Variants in MSRA observed in about 807,000 individuals in gnomAD.
The protein encoded by MSRA is mitochondrial peptide methionine sulfoxide reductase.
A neutral mutation model predicts 31.3 loss-of-function variants in MSRA; 54 were observed. That is an observed-to-expected ratio of 1.73 (90% CI 1.39 to 2.17). MSRA has a LOEUF of 2.17. Ranked by LOEUF, MSRA falls within the 30% of genes most tolerant of loss-of-function variation. The probability of loss-of-function intolerance (pLI) is 0.00; values close to 1 mark genes in which losing one functional copy is unlikely to be tolerated. For synonymous variants in MSRA, 169 were observed against 116.5 expected, an observed-to-expected ratio of 1.45 and a Z score of -2.90; for missense variants, 507 against 300.9, an observed-to-expected ratio of 1.69 and a Z score of -5.07.
intron 3 of MSRA, among the ~76,000 whole-genome samples, chr8:10,262,139 G>A (rs1237736845): frequency 1.3e-5 from 2 of 152,104 alleles, no homozygotes; most frequent in Admixed American, 6.5e-5. Context: ...TGAAATAATT[G>A]CAGTTGCTTC....
intron 1 of MSRA, among the ~76,000 whole-genome samples, chr8:10,148,892 T>C (rs1244775596): frequency 6.8e-6 from 1 of 147,832 alleles, no homozygotes; most frequent in Non-Finnish European, 1.5e-5. Flanking sequence ...CTGGAGAAGG[T>C]AGGACAACTC....
At chr8:10,235,517 G>T (rs1811865910) in intron 2 of MSRA, among the ~76,000 whole-genome samples, 1 of 151,988 alleles carries the variant, frequency 6.6e-6, no homozygotes, top group African/African-American at 2.4e-5. Context: ...AAAGTAAACT[G>T]CAAAACAAGA....
intron 3 of MSRA, among the ~76,000 whole-genome samples, chr8:10,254,034 C>T (rs1288686208): frequency 3.3e-5 from 5 of 152,110 alleles, no homozygotes; most frequent in Admixed American, 6.5e-5. Flanking sequence ...TGCCTCCGAT[C>T]TGCCGGGGAC....
In MSRA at chr8:10,245,087, C is replaced by CTTTT; in HGVS notation, c.212-14_212-11dup. 1 of 1,566,988 alleles carries CTTTT rather than the reference C, an allele frequency of 6.4e-7. No individual in the cohort carries two copies. Among genetic ancestry groups the CTTTT allele is most frequent in the Non-Finnish European group, 8.6e-7 (1 of 1,160,910 alleles). On this transcript the variant is annotated splice_polypyrimidine_tract_variant and intron_variant, in intron 2 of 5. Transcript: ENST00000317173. ...TGAATAATCAGTATCCTTTTTTTTT[C>CTTTT]TTTTTTCTTTTTTAAGGAATGGGAT...
Position 10,105,486 on chromosome 8 carries a change from G to A in MSRA, c.142+50828G>A, listed in dbSNP as rs147737911. 1.4e-3 allele frequency among the ~76,000 whole-genome samples: 214 copies of A among 152,282 alleles called. 1 individual carries two copies. Among genetic ancestry groups the A allele is most frequent in the African/African-American group, 4.7e-3 (197 of 41,556 alleles). On this transcript the variant is annotated intron_variant, in intron 1 of 5. Transcript: ENST00000317173. ...TCTTAGTCCCCAGGCATCCATCATT[G>A]AATTAAAGAGTATTGTGGAGTTTTA...
At chr8:10,066,419 A>G (rs1192398209) in intron 1 of MSRA, among the ~76,000 whole-genome samples, 1 of 152,252 alleles carries the variant, frequency 6.6e-6, no homozygotes, top group Non-Finnish European at 1.5e-5. Flanking sequence ...TCATAAAATC[A>G]TACACACACA....
intron 3 of MSRA, among the ~76,000 whole-genome samples, chr8:10,295,577 A>C (rs1800492189): frequency 6.6e-6 from 1 of 152,102 alleles, no homozygotes. Context: ...AATCTCGTCT[A>C]CATAAGACCT....
intron 2 of MSRA, among the ~76,000 whole-genome samples, chr8:10,219,607 C>T (rs1163946700): frequency 6.6e-6 from 1 of 151,902 alleles, no homozygotes; most frequent in East Asian, 1.9e-4. Flanking sequence ...CAGACTGAGA[C>T]CATCCTGGCT....
intron 3 of MSRA, among the ~76,000 whole-genome samples, chr8:10,261,389 T>TG (rs1554509145): frequency 7.0e-6 from 1 of 143,088 alleles, no homozygotes; most frequent in Non-Finnish European, 1.5e-5. Flanking sequence ...ATCTGTTACT[T>TG]AAAAAAAAAA....
chr8:10,178,916 T>G (rs1252338791), intron 1 of MSRA, among the ~76,000 whole-genome samples: 1 of 152,218 alleles, frequency 6.6e-6, no homozygotes, highest in Non-Finnish European at 1.5e-5. Context: ...TCATTAAGGC[T>G]CTTGTTCATT....
intron 5 of MSRA, among the ~76,000 whole-genome samples, chr8:10,419,058 C>A (rs1461732058): frequency 6.6e-6 from 1 of 152,150 alleles, no homozygotes; most frequent in Non-Finnish European, 1.5e-5. Flanking sequence ...ACACAGGGTG[C>A]ACATGCAGGC....
chr8:10,413,807 T>G (rs976569967), intron 5 of MSRA, among the ~76,000 whole-genome samples: 4 of 152,012 alleles, frequency 2.6e-5, no homozygotes, highest in Admixed American at 2.6e-4. Flanking sequence ...GAATTTAAAA[T>G]GGGGGAAAAA....
intron 1 of MSRA, among the ~76,000 whole-genome samples, chr8:10,101,817 T>G (rs1463114322): frequency 6.6e-6 from 1 of 152,218 alleles, no homozygotes; most frequent in African/African-American, 2.4e-5. Context: ...CTTCTACCTT[T>G]TGGCTGTTGT....
chr8:10,306,289 A>G (rs930692095), intron 4 of MSRA, among the ~76,000 whole-genome samples: 3 of 152,206 alleles, frequency 2.0e-5, no homozygotes, highest in Non-Finnish European at 4.4e-5. Flanking sequence ...GGTCTGATGT[A>G]GGAATTAAAT....
intron 1 of MSRA, among the ~76,000 whole-genome samples, chr8:10,141,230 C>T (rs1802678992): frequency 6.6e-6 from 1 of 152,200 alleles, no homozygotes. Context: ...AGGCCTGGTT[C>T]TGTGTGCCTC....
intron 5 of MSRA, among the ~76,000 whole-genome samples, chr8:10,330,894 C>T (rs374285575): frequency 6.6e-6 from 1 of 152,178 alleles, no homozygotes; most frequent in African/African-American, 2.4e-5. Context: ...ATGTTGAAGC[C>T]TCTACCCCCA....
At chr8:10,297,364 G>A (rs1800602361) in intron 3 of MSRA, among the ~76,000 whole-genome samples, 1 of 152,184 alleles carries the variant, frequency 6.6e-6, no homozygotes, top group South Asian at 2.1e-4. Context: ...CAACGTTAAA[G>A]CCCCCGTAAT....
chr8:10,166,422 GTC>G (rs1805130541), intron 1 of MSRA, among the ~76,000 whole-genome samples: 7 of 152,144 alleles, frequency 4.6e-5, no homozygotes, highest in Admixed American at 4.6e-4. Flanking sequence ...GTTTGCATAT[GTC>G]TGTGCGTGTG....
rs561290821 is a variant in MSRA at position 10,224,636 on chromosome 8, C to T, written c.211+16735C>T. Among the ~76,000 whole-genome samples, 19 of 152,278 alleles carry T rather than the reference C, an allele frequency of 1.2e-4. 1 individual carries two copies. The South Asian group carries it at 3.9e-3, about 32-fold the overall frequency. The stretch of plus-strand genomic sequence containing the variant: ...GTCCAGTGGACAGAGCTGAGAGTCC[C>T]TCTACTGACAGTCCCTGGATTCATC... On this transcript the variant is annotated intron_variant, in intron 2 of 5. Transcript: ENST00000317173.
Sources: allele counts gnomAD v4.1 joint callset (sites outside exome capture counted in the v4.1 genomes callset), GRCh38; gene constraint gnomAD v4.1.1; transcripts MANE v1.5; gene names NCBI Gene and HGNC (gene_info 2026-07-23, HGNC 2026-07-21).